Variants in TVP23C observed in about 807,000 individuals in gnomAD.
TVP23C encodes the protein trans-golgi network vesicle protein 23 homolog C, also known as Golgi apparatus membrane protein TVP23 homolog C.
A neutral mutation model predicts 28.7 loss-of-function variants in TVP23C; 19 were observed. The observed-to-expected ratio is 0.66, with a 90% CI of 0.46 to 0.97. The LOEUF is 0.97. Ranked by LOEUF, TVP23C falls within the 50% of genes least tolerant of loss-of-function variation. The pLI is 0.00. For missense variants in TVP23C, 186 were observed against 241.3 expected, an observed-to-expected ratio of 0.77 and a Z score of 1.52; for synonymous variants, 68 against 81.7, an observed-to-expected ratio of 0.83 and a Z score of 0.90.
chr17:15,542,167 A>G (rs1983438200), intron 5 of TVP23C, among the ~76,000 whole-genome samples: 1 of 152,252 alleles, frequency 6.6e-6, no homozygotes, highest in African/African-American at 2.4e-5. Context: ...AATTTCACTA[A>G]TAATTACCAT....
chr17:15,542,503 G>C (rs896269538), intron 5 of TVP23C, among the ~76,000 whole-genome samples: 2 of 151,968 alleles, frequency 1.3e-5, no homozygotes, highest in East Asian at 3.9e-4. Context: ...TTGAGACGGA[G>C]TCTCGCTCTG....
chr17:15,555,171 G>C, intron 2 of TVP23C, 111 bp downstream of exon 2: 1 of 1,373,544 alleles, frequency 7.3e-7, no homozygotes, highest in Non-Finnish European at 1.0e-6. Context: ...GCAACATGCA[G>C]TATTCACAAG....
chr17:15,554,050 A>C (rs1169040085), intron 2 of TVP23C, among the ~76,000 whole-genome samples: 1 of 152,194 alleles, frequency 6.6e-6, no homozygotes, highest in Non-Finnish European at 1.5e-5. Flanking sequence ...TGCACAGATG[A>C]CTTTAACACC....
intron 5 of TVP23C, among the ~76,000 whole-genome samples, chr17:15,524,014 G>A (rs1256740271): frequency 1.3e-5 from 2 of 151,672 alleles, no homozygotes; most frequent in Non-Finnish European, 2.9e-5. Flanking sequence ...AAGAGAGCTT[G>A]GTGCATTTGA....
chr17:15,546,308 A>AG (rs763088588), intron 4 of TVP23C, among the ~76,000 whole-genome samples: 11 of 152,042 alleles, frequency 7.2e-5, no homozygotes, highest in African/African-American at 2.2e-4. Flanking sequence ...TAGGGTCCAG[A>AG]GGGGAAAAAA....
chr17:15,540,437 C>G lies in TVP23C; in HGVS notation c.587G>C (p.Arg196Thr). 1 of 1,601,408 alleles carries G rather than the reference C, an allele frequency of 6.2e-7. No individual in the cohort carries two copies. Among genetic ancestry groups the G allele is most frequent in the Admixed American group, 1.7e-5 (1 of 58,438 alleles). The change falls in exon 6 of 6, where the codon AGA becomes ACA. Residue 196 changes from arginine to threonine, a missense_variant. Arg to Thr is a moderately conservative substitution (Grantham distance 71). Around this residue, in one of 3 missense-constraint regions of TVP23C, gnomAD observed 74 missense variants for 96.0 expected, o/e 0.77. Coordinates refer to ENST00000518321, the MANE Select transcript of TVP23C (RefSeq NM_001135036.2). ...TCACATCCAGAAAACACTTACTTGTCTTAAAAACTGCTTTCCAAAATATGA... is the reference window on the plus strand; with the variant it reads ...TCACATCCAGAAAACACTTACTTGTGTTAAAAACTGCTTTCCAAAATATGA... ...ATSYFGKQFL[R>T]QVSVFWM
rs1313465568 is a variant in TVP23C, at chr17:15,555,334, G to A, written c.43C>T (p.Leu15=). 3.1e-6 allele frequency: 5 copies of A among 1,613,944 alleles called. No individual in the cohort carries two copies. Among genetic ancestry groups the A allele is most frequent in the African/African-American group, 2.7e-5 (2 of 75,018 alleles). The change falls in exon 2 of 6, where the codon CTG becomes TTG. Residue 15 remains leucine, a synonymous_variant. Coordinates refer to ENST00000518321, the MANE Select transcript of TVP23C (RefSeq NM_001135036.2). ...GTCGTCTCCTCTTCCGCATCAAACA[G>A]TGAAACATCTTCAGTGTCATCATTA... The part of the protein sequence containing the change: ...DSNDDTEDVS[L]FDAEEETTNR...
Position 15,539,288 on chromosome 17 carries a change from C to T in TVP23C, c.*1124G>A. Reference sequence around the variant, plus strand: ...TCACTTGCCCAACCTACTGTACTAACCAAATGCAAGGTATTACTCATATAA... The same window carrying T: ...TCACTTGCCCAACCTACTGTACTAATCAAATGCAAGGTATTACTCATATAA... On this transcript the variant is annotated 3_prime_UTR_variant, in exon 6 of 6. Coordinates refer to ENST00000518321, the MANE Select transcript of TVP23C (RefSeq NM_001135036.2). 1 of 985,418 alleles carries T rather than the reference C, an allele frequency of 1.0e-6. No individual in the cohort carries two copies. Among genetic ancestry groups the T allele is most frequent in the Non-Finnish European group, 1.2e-6 (1 of 829,946 alleles). The allele number at this position is 985,418 out of a possible 1,614,324, so 61.0% of individuals were successfully genotyped here.
chr17:15,506,241 T>C (rs557560120), intron 5 of TVP23C, among the ~76,000 whole-genome samples: 1 of 152,224 alleles, frequency 6.6e-6, no homozygotes, highest in African/African-American at 2.4e-5. Context: ...TCAAGGTTTG[T>C]GAGTGCACCA....
downstream of TVP23C, among the ~76,000 whole-genome samples, chr17:15,533,273 G>A (rs1043345480): frequency 6.6e-6 from 1 of 152,186 alleles, no homozygotes; most frequent in Non-Finnish European, 1.5e-5. Flanking sequence ...ATTCAATCTG[G>A]AGATGGCCAA....
chr17:15,533,101 T>C (rs1193674776), downstream of TVP23C, among the ~76,000 whole-genome samples: 2 of 152,248 alleles, frequency 1.3e-5, no homozygotes, highest in Non-Finnish European at 2.9e-5. Flanking sequence ...ACAGCCACTT[T>C]TTATCAGAAA....
Position 15,539,421 on chromosome 17 carries a change from C to T in TVP23C, c.*991G>A, listed in dbSNP as rs989941240. On this transcript the variant is annotated 3_prime_UTR_variant, in exon 6 of 6. Coordinates refer to ENST00000518321, the MANE Select transcript of TVP23C (RefSeq NM_001135036.2). ...AGGAGATCGAGACCATCCTGGCTAA[C>T]ACGGTGAAACCCCGTCTCTACTAAA... 2.4e-5 allele frequency: 12 copies of T among 500,752 alleles called. No individual in the cohort carries two copies. The African/African-American group carries it at 2.5e-4, about 11-fold the overall frequency. The allele number at this position is 500,752 out of a possible 1,614,324, so 31.0% of individuals were successfully genotyped here.
exon 6 of TVP23C, chr17:15,502,820 CTCT>C: frequency 6.6e-7 from 1 of 1,524,850 alleles, no homozygotes; most frequent in South Asian, 1.3e-5. Flanking sequence ...CTCTCTCTCT[CTCT>C]CTCTCTCTCC....
In TVP23C at chr17:15,537,696, C is replaced by T. The variant is rs1333481184; in HGVS notation, c.*2716G>A. The T allele has an allele frequency of 1.0e-6, 1 of 987,170 alleles. No individual in the cohort carries two copies. The highest frequency in any genetic ancestry group is 1.7e-5 in the African/African-American group (1 of 57,312). 61.2% of individuals were successfully genotyped at this position (987,170 alleles called of 1,614,324 possible). A position where few individuals can be genotyped will look rare whatever the true frequency, so the allele number is the denominator to read the frequency against. ...GCTCACTCTTACCATAGAAGCAAAA[C>T]TTTCTCCTGAAAACAATCTACAGAA... is the stretch of plus-strand genomic sequence containing the variant. On this transcript the variant is annotated 3_prime_UTR_variant, in exon 6 of 6. Coordinates refer to ENST00000518321, the MANE Select transcript of TVP23C (RefSeq NM_001135036.2).
rs113689978 is a variant in TVP23C at position 15,516,280 on chromosome 17, G to A, written c.463-13048C>T. On this transcript the variant is annotated intron_variant, in intron 5 of 5. Coordinates refer to the TVP23C transcript ENST00000225576. ...GAATGGAGAAGAAATACAGGGGTTGGTTGTGAAGGAAATCTAAGGGACTTG... is the reference window on the plus strand; with the variant it reads ...GAATGGAGAAGAAATACAGGGGTTGATTGTGAAGGAAATCTAAGGGACTTG... The A allele has an allele frequency of 2.2e-3, 339 of 152,728 alleles. 1 individual carries two copies. The highest frequency in any genetic ancestry group is 8.0e-3 in the African/African-American group (332 of 41,592). The allele number at this position is 152,728 out of a possible 1,614,324, so 9.5% of individuals were successfully genotyped here. A position where few individuals can be genotyped will look rare whatever the true frequency, so the allele number is the denominator to read the frequency against.
exon 6 of TVP23C, chr17:15,502,981 G>A: frequency 6.2e-7 from 1 of 1,614,114 alleles, no homozygotes; most frequent in Non-Finnish European, 8.5e-7. Context: ...ATAGGCGGGC[G>A]GGCGCCATCT....
In TVP23C at chr17:15,555,325, C is replaced by T. The variant is rs376357922; in HGVS notation, c.52G>A (p.Ala18Thr). Reference sequence around the variant, plus strand: ...GGTCTATTAGTCGTCTCCTCTTCCGCATCAAACAGTGAAACATCTTCAGTG... The same window carrying T: ...GGTCTATTAGTCGTCTCCTCTTCCGTATCAAACAGTGAAACATCTTCAGTG... ...DDTEDVSLFD[A>T]EEETTNRPRK... Residue 18 changes from alanine (A) to threonine (T), a missense_variant, in exon 2 of 6, where the codon GCG becomes ACG. Coordinates refer to ENST00000518321, the MANE Select transcript of TVP23C (RefSeq NM_001135036.2). The T allele has an allele frequency of 3.7e-6, 6 of 1,613,814 alleles. No homozygotes were observed. The highest frequency in any genetic ancestry group is 1.1e-5 in the South Asian group (1 of 91,066).
At chr17:15,561,881 T>C (rs944599482) in intron 1 of TVP23C, among the ~76,000 whole-genome samples, 2 of 152,116 alleles carry the variant, frequency 1.3e-5, no homozygotes, top group Admixed American at 6.5e-5. Context: ...AAGACCTTGC[T>C]GAAAAAACAG....
At chr17:15,531,777 GT>G (rs1294109077) in intron 5 of TVP23C, among the ~76,000 whole-genome samples, 2 of 152,092 alleles carry the variant, frequency 1.3e-5, no homozygotes, top group African/African-American at 2.4e-5. Context: ...TGTTTTCTAA[GT>G]TTTTTCCCCC....
Sources: gnomAD v4.1 joint callset for allele counts (sites outside exome capture counted in the v4.1 genomes callset) on GRCh38, gnomAD v4.1.1 for gene constraint, gnomAD v4.1.1 regional missense constraint, MANE v1.5 for transcripts, NCBI Gene and HGNC (gene_info 2026-07-23, HGNC 2026-07-21) for gene names.